PRAMEF4: variants seen among roughly 807,000 people sequenced by gnomAD.
The protein encoded by PRAMEF4 is RP5-845O24.6.
In PRAMEF4, 18 loss-of-function variants were observed where a neutral mutation model predicts 34.4. The ratio of observed to expected loss-of-function variants is 0.52; its 90% confidence interval spans 0.36 to 0.78. The LOEUF (loss-of-function observed/expected upper bound fraction) is 0.78, where lower values mean the gene tolerates loss of function less well. Ranked by LOEUF, PRAMEF4 falls within the 30% of genes least tolerant of loss-of-function variation. PRAMEF4 has a pLI of 0.00. For missense variants in PRAMEF4, 482 were observed against 569.1 expected (o/e 0.85, Z 1.56); for synonymous variants, 156 against 219.3 (o/e 0.71, Z 2.55).
chr1:12,885,413 G>T (rs9726888), intron 1 of PRAMEF4, among the ~76,000 whole-genome samples: 12,424 of 149,238 alleles, frequency 0.083, 2,175 homozygotes, highest in African/African-American at 0.3. Context: ...CTGGAGTACA[G>T]TAGTGGTGTG....
chr1:12,885,889 A>T (rs912626544), intron 1 of PRAMEF4, among the ~76,000 whole-genome samples: 7 of 119,952 alleles, frequency 5.8e-5, no homozygotes, highest in African/African-American at 1.4e-4. Flanking sequence ...GGCCTCCCGA[A>T]GTGTTGGGGT....
rs754591734 is a variant in PRAMEF4, at chr1:12,879,638, C to G, written c.1343G>C (p.Arg448Thr). Residue 448 changes from arginine to threonine, a missense_variant, in exon 4 of 4, where the codon AGG becomes ACG. By Grantham distance (71) the Arg-to-Thr change is moderately conservative. Transcript: ENST00000235349. Reference protein sequence around the residue: ...AELMNRVRDLRHPKRILFCTD... With the variant: ...AELMNRVRDLTHPKRILFCTD... ...ACAGAACAAGATCCTCTTGGGGTGC[C>G]TTAAGTCCCTCACTCTGTTCATCAG... 7.5e-6 allele frequency: 12 copies of G among 1,597,336 alleles called. 1 individual carries two copies. In the South Asian group the frequency reaches 1.3e-4, roughly 18 times the overall value.
chr1:12,882,684 A>C (rs4603143), intron 2 of PRAMEF4, among the ~76,000 whole-genome samples: 1 of 144,004 alleles, frequency 6.9e-6, no homozygotes, highest in African/African-American at 2.6e-5. Context: ...TCTGCTTCCC[A>C]GATTCAAATG....
rs555466874 is a variant in PRAMEF4, at chr1:12,884,940, G to A, written c.-17+1207C>T. Among the ~76,000 whole-genome samples, 43 of 150,394 alleles carry A rather than the reference G, an allele frequency of 2.9e-4. 1 individual carries two copies. The highest frequency in any genetic ancestry group is 1.0e-3 in the African/African-American group (41 of 40,736). On this transcript the variant is annotated intron_variant, in intron 1 of 3. Coordinates refer to ENST00000235349, the MANE Select transcript of PRAMEF4 (RefSeq NM_001009611.4). ...AAAGTCCTGAGTGTGAGACAGGGAA[G>A]GGTTGAATCTCTTCCTGATATTAGA...
At chr1:12,885,158 C>G (rs1469189056) in intron 1 of PRAMEF4, among the ~76,000 whole-genome samples, 1 of 150,616 alleles carries the variant, frequency 6.6e-6, no homozygotes, top group Non-Finnish European at 1.5e-5. Flanking sequence ...GGAGCTGAGT[C>G]TCACTTCGTC....
rs1641001221 is a variant in PRAMEF4, at chr1:12,886,176, A to G, written c.-46T>C. On this transcript the variant is annotated 5_prime_UTR_variant, in exon 1 of 4. Coordinates refer to ENST00000235349, the MANE Select transcript of PRAMEF4 (RefSeq NM_001009611.4). ...TCTGGATGTAGTCTAGAAGGTTCTC[A>G]GATCTCAGGAAGAACCAAGCAGGAA... 1 of 145,234 alleles carries G rather than the reference A, an allele frequency of 6.9e-6. No individual in the cohort carries two copies. The highest frequency in any genetic ancestry group is 2.6e-5 in the African/African-American group (1 of 38,390). 9.0% of individuals were successfully genotyped at this position (145,234 alleles called of 1,614,324 possible).
rs1640846101 is a variant in PRAMEF4, at chr1:12,879,648, T to A, written c.1333A>T (p.Arg445Trp). Residue 445 changes from arginine (R) to tryptophan (W), a missense_variant, in exon 4 of 4, where the codon AGG becomes TGG. This residue lies in a region of PRAMEF4 where 116 missense variants were observed against 105.2 expected (regional missense o/e 1.10). Coordinates refer to ENST00000235349, the MANE Select transcript of PRAMEF4 (RefSeq NM_001009611.4). ...QIRAELMNRV[R>W]DLRHPKRILF... is the part of the protein sequence containing the mutation. ...ATCCTCTTGGGGTGCCTTAAGTCCCTCACTCTGTTCATCAGCTCAGCCCTA... is the reference window on the plus strand; with the variant it reads ...ATCCTCTTGGGGTGCCTTAAGTCCCACACTCTGTTCATCAGCTCAGCCCTA... 6.3e-7 allele frequency: 1 copy of A among 1,598,148 alleles called. No individual in the cohort carries two copies. Among genetic ancestry groups the A allele is most frequent in the South Asian group, 1.1e-5 (1 of 90,240 alleles).
At position 12,883,125 on chromosome 1, in the gene PRAMEF4, C is replaced by A. The variant is rs753151127; in HGVS notation, c.270G>T (p.Leu90=). 6.2e-7 allele frequency: 1 copy of A among 1,601,650 alleles called. No homozygotes were observed. Among genetic ancestry groups the A allele is most frequent in the South Asian group, 1.1e-5 (1 of 90,188 alleles). Residue 90 remains leucine, a synonymous_variant, in exon 2 of 4, where the codon CTG becomes CTT. Transcript: ENST00000235349. ...FQAVLDGLDA[L]LNLGVRPRRW... is the part of the protein sequence containing the mutation. ...ACCTGGGACGAACCCCTAGGTTAAG[C>A]AGTGCATCCAGCCCATCGAGCACAG...
In PRAMEF4 at chr1:12,883,297, A is replaced by T. The variant is rs148417398; in HGVS notation, c.98T>A (p.Leu33Gln). The T allele has an allele frequency of 6.7e-4, 1,077 of 1,599,780 alleles. 90 individuals carry two copies. In the African/African-American group the frequency reaches 0.014, roughly 20 times the overall value. ...QALAMSTLEE[L>Q]PTELFPPLFM... ...CAGTGGGGGGAAAAGTTCTGTGGGCAGCTCCTCCAGGGTGGACATGGCCAA... is the reference window on the plus strand; with the variant it reads ...CAGTGGGGGGAAAAGTTCTGTGGGCTGCTCCTCCAGGGTGGACATGGCCAA... Residue 33 changes from leucine (L) to glutamine (Q), a missense_variant, in exon 2 of 4, where the codon CTG becomes CAG. Leu to Gln is a moderately radical substitution (Grantham distance 113). This residue lies in a region of PRAMEF4 where 172 missense variants were observed against 130.2 expected (regional missense o/e 1.32). Coordinates refer to ENST00000235349, the MANE Select transcript of PRAMEF4 (RefSeq NM_001009611.4).
chr1:12,881,522 C>T lies in PRAMEF4; in HGVS notation c.875+332G>A, dbSNP rs1346361749. Among the ~76,000 whole-genome samples, 79 of 147,336 alleles carry T rather than the reference C, an allele frequency of 5.4e-4. 4 individuals carry two copies. In the South Asian group the frequency reaches 9.5e-3, roughly 18 times the overall value. On this transcript the variant is annotated intron_variant, in intron 3 of 3. Coordinates refer to ENST00000235349, the MANE Select transcript of PRAMEF4 (RefSeq NM_001009611.4). ...ATAGGATTACAGGCATGAGCCACCG[C>T]CCCTGGCGTATTTTTCATCATCTTA... is the stretch of plus-strand genomic sequence containing the variant.
chr1:12,882,977 T>C (rs1640921087), intron 2 of PRAMEF4, 125 bp downstream of exon 2: 1 of 1,396,502 alleles, frequency 7.2e-7, no homozygotes, highest in Non-Finnish European at 9.7e-7. Context: ...AGCTGGTGAA[T>C]GGCCAAGTCC....
chr1:12,881,900 T>C lies in PRAMEF4; in HGVS notation c.829A>G (p.Met277Val), dbSNP rs372940143. 2 of 1,565,720 alleles carry C rather than the reference T, an allele frequency of 1.3e-6. No individual in the cohort carries two copies. Among genetic ancestry groups the C allele is most frequent in the Non-Finnish European group, 1.7e-6 (2 of 1,156,296 alleles). ...LKLRCLQKLY[M>V]NSVSFLEGHL... The stretch of plus-strand genomic sequence containing the variant: ...CCTTCGAGGAAAGAAACAGAGTTCA[T>C]ATAAAGCTTTTGGAGGCAGCGCAGC... Residue 277 changes from methionine (M) to valine (V), a missense_variant, in exon 3 of 4, where the codon ATG becomes GTG. Met to Val is a conservative substitution (Grantham distance 21). This residue lies in a region of PRAMEF4 where 81 missense variants were observed against 73.1 expected (regional missense o/e 1.11). Transcript: ENST00000235349.
intron 1 of PRAMEF4, among the ~76,000 whole-genome samples, chr1:12,883,801 T>C (rs1165359079): frequency 1.4e-5 from 2 of 146,918 alleles, no homozygotes; most frequent in East Asian, 4.0e-4. Context: ...CAAATAAGCT[T>C]GTTGGGAACA....
At chr1:12,885,960 C>A (rs1640994789) in intron 1 of PRAMEF4, among the ~76,000 whole-genome samples, 187 bp downstream of exon 1, 1 of 85,566 alleles carries the variant, frequency 1.2e-5, no homozygotes, top group Non-Finnish European at 2.2e-5. Flanking sequence ...AAAGCACAAT[C>A]AACTTTTTTG....
chr1:12,880,300 G>T (rs1640863635), intron 3 of PRAMEF4, among the ~76,000 whole-genome samples, 195 bp from the exon 4 acceptor site: 1 of 150,872 alleles, frequency 6.6e-6, no homozygotes, highest in South Asian at 2.1e-4. Context: ...TTTAGACCCG[G>T]CCCAGTAACT....
chr1:12,880,711 C>T (rs1640871989), intron 3 of PRAMEF4, among the ~76,000 whole-genome samples: 2 of 148,202 alleles, frequency 1.3e-5, no homozygotes, highest in Non-Finnish European at 3.0e-5. Flanking sequence ...CATCCCTGGG[C>T]CACAGGAGCC....
Position 12,879,721 on chromosome 1 carries a change from C to T in PRAMEF4, c.1260G>A (p.Glu420=), listed in dbSNP as rs1225904233. Residue 420 remains glutamate, a synonymous_variant, in exon 4 of 4, where the codon GAG becomes GAA. Coordinates refer to ENST00000235349, the MANE Select transcript of PRAMEF4 (RefSeq NM_001009611.4). ...LCVELYPAPR[E]SYGADGTLCW... is the part of the protein sequence containing the mutation. ...AGAGAGTACCATCAGCACCATAACT[C>T]TCCCGGGGGGCAGGATACAGCTCCA... 4.4e-5 allele frequency: 70 copies of T among 1,599,166 alleles called. 1 individual carries two copies. Among genetic ancestry groups the T allele is most frequent in the African/African-American group, 4.2e-4 (30 of 71,908 alleles).
At chr1:12,885,767 A>G (rs1472396044) in intron 1 of PRAMEF4, among the ~76,000 whole-genome samples, 2 of 146,896 alleles carry the variant, frequency 1.4e-5, no homozygotes, top group African/African-American at 5.1e-5. Flanking sequence ...TCTGGGCAAC[A>G]CAGTGAGACT....
intron 3 of PRAMEF4, among the ~76,000 whole-genome samples, chr1:12,880,584 A>C (rs1640869203): frequency 6.7e-6 from 1 of 149,486 alleles, no homozygotes; most frequent in African/African-American, 2.5e-5. Flanking sequence ...TTAAAAAAAA[A>C]AAAGGAGAAA....
Sources: allele counts gnomAD v4.1 joint callset (sites outside exome capture counted in the v4.1 genomes callset), GRCh38; gene constraint gnomAD v4.1.1; regional missense constraint gnomAD v4.1.1; transcripts MANE v1.5; gene names NCBI Gene and HGNC (gene_info 2026-07-23, HGNC 2026-07-21).